PACRG: variants seen among roughly 807,000 people sequenced by gnomAD.
PACRG encodes parkin coregulated, also known as parkin coregulated gene protein.
A neutral mutation model predicts 29.7 loss-of-function variants in PACRG; 29 were observed. That is an observed-to-expected ratio of 0.98 (90% CI 0.73 to 1.33). The LOEUF (loss-of-function observed/expected upper bound fraction) is 1.33. PACRG is among the 40% of genes most tolerant of loss of function. PACRG has a pLI of 0.00. For synonymous variants in PACRG, 116 were observed against 118.7 expected (o/e 0.98, Z 0.15); for missense variants, 279 against 316.2 (o/e 0.88, Z 0.89).
At chr6:163,301,701 G>C (rs895436093) in intron 4 of PACRG, among the ~76,000 whole-genome samples, 2 of 152,220 alleles carry the variant, frequency 1.3e-5, no homozygotes, top group African/African-American at 4.8e-5. Context: ...CTCTCCCAGA[G>C]GACAGTTAAA....
At chr6:162,992,127 C>A (rs1043371610) in intron 2 of PACRG, among the ~76,000 whole-genome samples, 11 of 142,760 alleles carry the variant, frequency 7.7e-5, no homozygotes. Flanking sequence ...TGAGGTGCTG[C>A]TGGATTCGGT....
At chr6:162,808,864 A>G (rs1330807322) in intron 1 of PACRG, among the ~76,000 whole-genome samples, 5 of 152,184 alleles carry the variant, frequency 3.3e-5, no homozygotes, top group Non-Finnish European at 7.4e-5. Flanking sequence ...AATAAAATTT[A>G]TAATATTTTC....
At chr6:163,121,436 GCA>G (rs1212847958) in intron 4 of PACRG, among the ~76,000 whole-genome samples, 5 of 152,082 alleles carry the variant, frequency 3.3e-5, no homozygotes, top group Non-Finnish European at 5.9e-5. Flanking sequence ...CTTCTGTGAT[GCA>G]CAGAGTCATG....
intron 1 of PACRG, among the ~76,000 whole-genome samples, chr6:162,780,537 AAAG>A (rs1784019646): frequency 6.6e-6 from 1 of 152,210 alleles, no homozygotes; most frequent in Non-Finnish European, 1.5e-5. Flanking sequence ...TCAGACATAC[AAAG>A]AAGGAAATAA....
At chr6:163,286,357 C>T (rs924980717) in intron 4 of PACRG, among the ~76,000 whole-genome samples, 2 of 152,212 alleles carry the variant, frequency 1.3e-5, no homozygotes, top group African/African-American at 2.4e-5. Flanking sequence ...TTTATGTTTA[C>T]TACCCATAAT....
chr6:162,810,279 G>A (rs1254108267), intron 1 of PACRG, among the ~76,000 whole-genome samples: 1 of 152,184 alleles, frequency 6.6e-6, no homozygotes, highest in Non-Finnish European at 1.5e-5. Context: ...CAACTTGGCA[G>A]TAATAAGGTA....
chr6:163,234,832 A>G (rs1314884766), intron 4 of PACRG, among the ~76,000 whole-genome samples: 1 of 152,346 alleles, frequency 6.6e-6, no homozygotes, highest in East Asian at 1.9e-4. Flanking sequence ...ATATAGAGGT[A>G]AAACAGAAGC....
chr6:163,156,774 C>T (rs1164312370), intron 4 of PACRG, among the ~76,000 whole-genome samples: 1 of 152,136 alleles, frequency 6.6e-6, no homozygotes, highest in African/African-American at 2.4e-5. Flanking sequence ...CCTTTTCCAG[C>T]TTTCACTCCT....
At chr6:162,883,049 G>A (rs1160270283) in intron 2 of PACRG, among the ~76,000 whole-genome samples, 1 of 152,194 alleles carries the variant, frequency 6.6e-6, no homozygotes, top group Non-Finnish European at 1.5e-5. Flanking sequence ...CAGCCTTGGA[G>A]CAGTGTCTGA....
intron 4 of PACRG, among the ~76,000 whole-genome samples, chr6:163,089,710 A>G (rs1234121009): frequency 6.6e-6 from 1 of 152,180 alleles, no homozygotes; most frequent in South Asian, 2.1e-4. Flanking sequence ...TGAATACATT[A>G]GTAGGTTTTG....
chr6:162,785,591 T>G (rs9356061), intron 1 of PACRG, among the ~76,000 whole-genome samples: 96,579 of 139,648 alleles, frequency 0.69, 32,044 homozygotes, highest in South Asian at 0.82. Context: ...GTGCGGGGGT[T>G]GGGGGAGGAT....
intron 1 of PACRG, among the ~76,000 whole-genome samples, chr6:162,778,361 G>A (rs1422909299): frequency 6.6e-6 from 1 of 152,118 alleles, no homozygotes; most frequent in African/African-American, 2.4e-5. Flanking sequence ...AGTGCTATAA[G>A]CGTAAGAGGT....
At chr6:162,751,169 T>C (rs1017304768) in intron 1 of PACRG, among the ~76,000 whole-genome samples, 2 of 152,108 alleles carry the variant, frequency 1.3e-5, no homozygotes, top group Non-Finnish European at 2.9e-5. Flanking sequence ...TTTTTTACTC[T>C]TTAGAAAGCA....
chr6:162,793,460 C>T (rs1387000075), intron 1 of PACRG, among the ~76,000 whole-genome samples: 1 of 152,048 alleles, frequency 6.6e-6, no homozygotes, highest in Non-Finnish European at 1.5e-5. Context: ...CTTCAGGGAC[C>T]CATATCTTTT....
intron 2 of PACRG, among the ~76,000 whole-genome samples, chr6:163,035,087 C>T (rs897293536): frequency 6.6e-6 from 1 of 152,120 alleles, no homozygotes. Flanking sequence ...GTGAGTATGA[C>T]CAGAGGTCAC....
chr6:162,727,747 G>C (rs1246502527), upstream of PACRG: 5 of 1,445,984 alleles, frequency 3.5e-6, no homozygotes, highest in East Asian at 2.5e-5. Context: ...CCCACCAGCG[G>C]CTCTCCTGGG....
At chr6:163,153,473 G>A (rs1778185480) in intron 4 of PACRG, among the ~76,000 whole-genome samples, 1 of 152,164 alleles carries the variant, frequency 6.6e-6, no homozygotes, top group Non-Finnish European at 1.5e-5. Context: ...GGCAATATTA[G>A]GTAATATATT....
Position 162,816,513 on chromosome 6 carries a change from C to T in PACRG, c.291+2232C>T, listed in dbSNP as rs191115018. ...GACTACAGGCTCCCGCCACCACGCC[C>T]GGCTAATTTTTTGTATTTTTAGTAG... On this transcript the variant is annotated intron_variant, in intron 2 of 4. Transcript: ENST00000366888. 2.0e-4 allele frequency among the ~76,000 whole-genome samples: 30 copies of T among 152,112 alleles called. No individual in the cohort carries two copies. In the East Asian group the frequency reaches 3.3e-3, roughly 17 times the overall value.
intron 4 of PACRG, among the ~76,000 whole-genome samples, chr6:163,137,446 A>G (rs2128332455): frequency 6.6e-6 from 1 of 152,258 alleles, no homozygotes; most frequent in Non-Finnish European, 1.5e-5. Context: ...GCTTATGCTG[A>G]GGCAGTGCTG....
Sources: allele counts gnomAD v4.1 joint callset (sites outside exome capture counted in the v4.1 genomes callset), GRCh38; gene constraint gnomAD v4.1.1; transcripts MANE v1.5; gene names NCBI Gene and HGNC (gene_info 2026-07-23, HGNC 2026-07-21).